The following TARP variants were observed in gnomAD, a reference collection of about 807,000 sequenced individuals.
the TARP span, among the ~76,000 whole-genome samples, chr7:38,267,072 T>G: frequency 3.3e-5 from 5 of 151,846 alleles, no homozygotes; most frequent in East Asian, 7.7e-4. Flanking sequence ...ATTTACCCCA[T>G]TAATGAGAAG....
At chr7:38,261,951 A>G in the TARP span, among the ~76,000 whole-genome samples, 11,921 of 151,038 alleles carry the variant, frequency 0.079, 1,634 homozygotes, top group African/African-American at 0.27. Context: ...TTAAAAGCAT[A>G]TCACTATACC....
the TARP span, among the ~76,000 whole-genome samples, chr7:38,268,166 C>G: frequency 2.0e-5 from 3 of 151,104 alleles, no homozygotes; most frequent in Non-Finnish European, 4.4e-5. Flanking sequence ...TACATTTTTA[C>G]TTACTTCAAT....
the TARP span, among the ~76,000 whole-genome samples, chr7:38,267,728 G>C: frequency 2.7e-5 from 4 of 150,480 alleles, no homozygotes; most frequent in African/African-American, 9.9e-5. Flanking sequence ...AATTTTAAAA[G>C]CATGTTATAA....
the TARP span, among the ~76,000 whole-genome samples, chr7:38,272,214 T>G: frequency 6.6e-6 from 1 of 150,866 alleles, no homozygotes; most frequent in East Asian, 1.9e-4. Flanking sequence ...TATTCCTGAG[T>G]GTATAAAGAC....
the TARP span, among the ~76,000 whole-genome samples, chr7:38,264,575 G>A: frequency 2.7e-5 from 4 of 148,276 alleles, no homozygotes; most frequent in African/African-American, 1.0e-4. Flanking sequence ...TGGGCAACAA[G>A]AGTGAAACTC....
At chr7:38,263,056 T>A in the TARP span, among the ~76,000 whole-genome samples, 4 of 151,730 alleles carry the variant, frequency 2.6e-5, no homozygotes, top group South Asian at 4.2e-4. Flanking sequence ...AAGCAGTCAT[T>A]CTTTTCCAAA....
At chr7:38,270,085 G>A in the TARP span, among the ~76,000 whole-genome samples, 2 of 151,990 alleles carry the variant, frequency 1.3e-5, no homozygotes, top group African/African-American at 2.4e-5. Flanking sequence ...CTGGGCAACA[G>A]GGGAAGACCC....
the TARP span, among the ~76,000 whole-genome samples, chr7:38,268,898 A>G: frequency 2.0e-5 from 3 of 151,226 alleles, no homozygotes; most frequent in African/African-American, 7.3e-5. Context: ...GTGAATCCAG[A>G]AAACATTTGT....
At chr7:38,265,358 T>C in the TARP span, 14 of 1,609,624 alleles carry the variant, frequency 8.7e-6, no homozygotes, top group Middle Eastern at 1.6e-4. Context: ...CCTGTCTTTA[T>C]TGGAGGAAAG....
At chr7:38,263,075 A>G in the TARP span, among the ~76,000 whole-genome samples, 1 of 151,686 alleles carries the variant, frequency 6.6e-6, no homozygotes, top group Non-Finnish European at 1.5e-5. Flanking sequence ...AATCATGCAT[A>G]TCCCCAATGT....
the TARP span, chr7:38,273,564 T>C: frequency 6.3e-7 from 1 of 1,587,756 alleles, no homozygotes; most frequent in Non-Finnish European, 8.5e-7. Flanking sequence ...TTCTTTACAT[T>C]GCAAAATTTA....
At chr7:38,266,860 C>G in the TARP span, among the ~76,000 whole-genome samples, 1 of 151,720 alleles carries the variant, frequency 6.6e-6, no homozygotes, top group African/African-American at 2.4e-5. Context: ...TGGCAACTTT[C>G]CAAAACTCTT....
At chr7:38,269,385 C>G in the TARP span, 5 of 633,434 alleles carry the variant, frequency 7.9e-6, no homozygotes, top group African/African-American at 7.4e-5. Flanking sequence ...ACATCAAATC[C>G]CCATCCAATT....
At chr7:38,272,104 C>G in the TARP span, among the ~76,000 whole-genome samples, 3 of 151,046 alleles carry the variant, frequency 2.0e-5, no homozygotes, top group East Asian at 5.8e-4. Context: ...CTTTTAGAAG[C>G]AGGTACAATT....
At chr7:38,265,928 G>C in the TARP span, among the ~76,000 whole-genome samples, 1 of 151,520 alleles carries the variant, frequency 6.6e-6, no homozygotes, top group Non-Finnish European at 1.5e-5. Context: ...GATGCTGGAC[G>C]AAAACCTGGC....
chr7:38,271,169 T>A, the TARP span, among the ~76,000 whole-genome samples: 1 of 151,468 alleles, frequency 6.6e-6, no homozygotes. Flanking sequence ...TGGAAAGAGA[T>A]AGCTTAAATA....
the TARP span, chr7:38,265,763 C>G: frequency 9.8e-7 from 1 of 1,019,534 alleles, no homozygotes; most frequent in Non-Finnish European, 1.4e-6. Context: ...TAGTACATAA[C>G]CATAAAAAGA....
the TARP span, chr7:38,262,064 GGT>G: frequency 1.1e-6 from 1 of 894,712 alleles, no homozygotes; most frequent in African/African-American, 1.7e-5. Flanking sequence ...AATATCACTA[GGT>G]CCATTCTGCA....
chr7:38,271,436 A>G, the TARP span, among the ~76,000 whole-genome samples: 1 of 151,412 alleles, frequency 6.6e-6, no homozygotes, highest in African/African-American at 2.4e-5. Flanking sequence ...AACTTCTCAT[A>G]TTAAAAAATG....
Sources: gnomAD v4.1 joint callset for allele counts (sites outside exome capture counted in the v4.1 genomes callset) on GRCh38, gnomAD v4.1.1 for gene constraint, MANE v1.5 for transcripts.